Variants in GPHN observed in about 807,000 individuals in gnomAD.
GPHN encodes gephyrin.
A neutral mutation model predicts 95.5 loss-of-function variants in GPHN; 17 were observed. The ratio of observed to expected loss-of-function variants is 0.18; its 90% CI spans 0.12 to 0.27. The LOEUF is 0.27. Among genes scored for constraint, GPHN ranks in the 10% least tolerant of loss-of-function variants. The pLI, the probability that GPHN is intolerant of heterozygous loss-of-function variation, is 1.00. For synonymous variants in GPHN, 320 were observed against 322.5 expected, an observed-to-expected ratio of 0.99 and a Z score of 0.08; for missense variants, 660 against 978.1, an observed-to-expected ratio of 0.67 and a Z score of 4.34.
At chr14:67,257,179 T>C in the GPHN span, among the ~76,000 whole-genome samples, 4 of 152,172 alleles carry the variant, frequency 2.6e-5, no homozygotes, top group African/African-American at 9.7e-5. Flanking sequence ...CCTTGATCAG[T>C]CTTTCACTGA....
chr14:67,192,864 A>G, the GPHN span, among the ~76,000 whole-genome samples: 1 of 146,766 alleles, frequency 6.8e-6, no homozygotes, highest in African/African-American at 2.5e-5. Flanking sequence ...ATACAGATAT[A>G]TATAGATATA....
chr14:67,410,979 C>A, the GPHN span, among the ~76,000 whole-genome samples: 5 of 151,672 alleles, frequency 3.3e-5, no homozygotes, highest in Non-Finnish European at 5.9e-5. Flanking sequence ...AACCCTGTCT[C>A]CACAAAAAAA....
At chr14:66,556,759 A>G (rs2060020839) in intron 1 of GPHN, among the ~76,000 whole-genome samples, 2 of 152,036 alleles carry the variant, frequency 1.3e-5, no homozygotes, top group Admixed American at 1.3e-4. Flanking sequence ...GAGGATTTAC[A>G]GAAGTACTTT....
At chr14:66,946,494 C>G (rs1000134323) in intron 8 of GPHN, among the ~76,000 whole-genome samples, 1 of 152,150 alleles carries the variant, frequency 6.6e-6, no homozygotes, top group African/African-American at 2.4e-5. Context: ...CAAACTCCAC[C>G]TCCGGGGTTC....
the GPHN span, among the ~76,000 whole-genome samples, chr14:67,699,840 GA>G: frequency 6.6e-6 from 1 of 152,202 alleles, no homozygotes; most frequent in Middle Eastern, 3.4e-3. Flanking sequence ...CAAACTCAAT[GA>G]AAAGAATACT....
the GPHN span, among the ~76,000 whole-genome samples, chr14:67,196,200 C>CCTTTCTTTTCTTTT: frequency 1.4e-4 from 21 of 151,418 alleles, 1 homozygote; most frequent in African/African-American, 4.8e-4. Flanking sequence ...CTTTTTCTTT[C>CCTTTCTTTTCTTTT]CTTTCTTTTC....
intron 10 of GPHN, among the ~76,000 whole-genome samples, chr14:67,043,867 G>T (rs368327439): frequency 2.0e-5 from 3 of 152,058 alleles, no homozygotes; most frequent in Admixed American, 6.5e-5. Flanking sequence ...ACTTTTTTTG[G>T]TTGGTAGGCT....
the GPHN span, among the ~76,000 whole-genome samples, chr14:67,286,800 T>G: frequency 7.2e-6 from 1 of 138,338 alleles, no homozygotes; most frequent in African/African-American, 2.8e-5. Context: ...GAGGCTGCAG[T>G]GAGCTCTGAT....
the GPHN span, among the ~76,000 whole-genome samples, chr14:67,554,186 T>C: frequency 6.6e-6 from 1 of 152,220 alleles, no homozygotes; most frequent in Non-Finnish European, 1.5e-5. Flanking sequence ...AAATATGAAC[T>C]ACTGCTTCCA....
the GPHN span, among the ~76,000 whole-genome samples, chr14:67,461,730 G>A: frequency 6.6e-6 from 1 of 152,228 alleles, no homozygotes; most frequent in Non-Finnish European, 1.5e-5. Context: ...TGCAAAGGCA[G>A]AAACAATGAG....
At chr14:66,771,467 G>A (rs763197079) in intron 2 of GPHN, among the ~76,000 whole-genome samples, 15 of 152,104 alleles carry the variant, frequency 9.9e-5, no homozygotes, top group Non-Finnish European at 2.1e-4. Flanking sequence ...ACCAGTTACC[G>A]CACTGGCACA....
chr14:66,555,392 C>T (rs546892720), intron 1 of GPHN, among the ~76,000 whole-genome samples: 1 of 152,238 alleles, frequency 6.6e-6, no homozygotes, highest in East Asian at 1.9e-4. Context: ...CAGATGTCTA[C>T]AGTTTATCAC....
At chr14:67,568,703 C>T in the GPHN span, among the ~76,000 whole-genome samples, 4 of 152,078 alleles carry the variant, frequency 2.6e-5, no homozygotes, top group African/African-American at 7.2e-5. Flanking sequence ...GTCGTGTGGC[C>T]GCAGTGGCTT....
At chr14:67,216,179 C>T in the GPHN span, among the ~76,000 whole-genome samples, 4 of 151,954 alleles carry the variant, frequency 2.6e-5, no homozygotes, top group Non-Finnish European at 5.9e-5. Flanking sequence ...AACTATAGTC[C>T]ATAGTTTACA....
rs182462907 is a variant in GPHN at position 66,600,380 on chromosome 14, G to A, written c.65-80727G>A. Reference sequence around the variant, plus strand: ...AACTATATATTTGTCAGTATTCTAAGTACAGTTGATTCTCACTGCTTGAAG... The same window carrying A: ...AACTATATATTTGTCAGTATTCTAAATACAGTTGATTCTCACTGCTTGAAG... On this transcript the variant is annotated intron_variant, in intron 1 of 22. Transcript: ENST00000478722. 7.9e-5 allele frequency among the ~76,000 whole-genome samples: 12 copies of A among 152,146 alleles called. No individual in the cohort carries two copies. In the East Asian group the frequency reaches 2.3e-3, roughly 29 times the overall value.
At chr14:67,285,568 A>T in the GPHN span, among the ~76,000 whole-genome samples, 1 of 149,102 alleles carries the variant, frequency 6.7e-6, no homozygotes, top group Non-Finnish European at 1.5e-5. Context: ...ATGGGGTTTC[A>T]CCGTGTTAGC....
intron 9 of GPHN, among the ~76,000 whole-genome samples, chr14:67,016,700 A>G (rs2153621164): frequency 6.6e-6 from 1 of 152,216 alleles, no homozygotes; most frequent in Non-Finnish European, 1.5e-5. Flanking sequence ...CATACAACAC[A>G]GAATTAGATT....
At chr14:67,418,376 G>A in the GPHN span, among the ~76,000 whole-genome samples, 2 of 152,160 alleles carry the variant, frequency 1.3e-5, no homozygotes, top group Non-Finnish European at 2.9e-5. Flanking sequence ...GCCTAAGTCA[G>A]GGGTCCATGG....
the GPHN span, among the ~76,000 whole-genome samples, chr14:67,496,270 T>G: frequency 6.6e-6 from 1 of 152,152 alleles, no homozygotes; most frequent in African/African-American, 2.4e-5. Flanking sequence ...TTTTTGTATT[T>G]TTGGTAGAAA....
Sources: allele counts gnomAD v4.1 joint callset (sites outside exome capture counted in the v4.1 genomes callset), GRCh38; gene constraint gnomAD v4.1.1; transcripts MANE v1.5; gene names NCBI Gene and HGNC (gene_info 2026-07-23, HGNC 2026-07-21).